KLF12: variants seen among roughly 807,000 people sequenced by gnomAD.
KLF12 encodes Krueppel-like factor 12.
Under a neutral mutation model 37.8 loss-of-function variants are expected in KLF12, and 9 were observed. The ratio of observed to expected loss-of-function variants is 0.24; its 90% CI spans 0.14 to 0.42. The LOEUF is 0.42. Ranked by LOEUF, KLF12 falls within the 10% of genes least tolerant of loss-of-function variation. The probability of loss-of-function intolerance (pLI) is 1.00; values close to 1 mark genes in which losing one functional copy is unlikely to be tolerated. For synonymous variants in KLF12, 208 were observed against 202.1 expected (o/e 1.03, Z -0.25); for missense variants, 411 against 516.0 (o/e 0.80, Z 1.97).
intron 3 of KLF12, among the ~76,000 whole-genome samples, chr13:73,878,917 G>A (rs9573321): frequency 0.21 from 31,595 of 152,002 alleles, 4,271 homozygotes; most frequent in East Asian, 0.57. Context: ...GAGGAGCAAG[G>A]CTATGGAGGC....
intron 1 of KLF12, among the ~76,000 whole-genome samples, chr13:74,118,573 T>C (rs1328251156): frequency 6.6e-6 from 1 of 152,234 alleles, no homozygotes; most frequent in Non-Finnish European, 1.5e-5. Flanking sequence ...ACAAAGTGGC[T>C]GACTCAGTTG....
chr13:73,904,353 T>C (rs1419719596), intron 3 of KLF12, among the ~76,000 whole-genome samples: 1 of 152,178 alleles, frequency 6.6e-6, no homozygotes. Flanking sequence ...GTTCCTTGGA[T>C]GGTTTAATCT....
chr13:73,830,943 T>C (rs926534057), intron 4 of KLF12, among the ~76,000 whole-genome samples: 1 of 150,956 alleles, frequency 6.6e-6, no homozygotes, highest in African/African-American at 2.4e-5. Context: ...CATGATACAG[T>C]ACTATAATAT....
At chr13:73,879,169 G>C (rs913912072) in intron 3 of KLF12, among the ~76,000 whole-genome samples, 2 of 152,186 alleles carry the variant, frequency 1.3e-5, no homozygotes, top group Non-Finnish European at 2.9e-5. Flanking sequence ...CTGATGTTCA[G>C]AATAACCTGC....
chr13:73,889,656 G>A (rs2139010223), intron 3 of KLF12, among the ~76,000 whole-genome samples: 1 of 152,128 alleles, frequency 6.6e-6, no homozygotes, highest in African/African-American at 2.4e-5. Context: ...TTACCCAAAA[G>A]GACCCAAGAG....
chr13:74,273,491 T>G, the KLF12 span, among the ~76,000 whole-genome samples: 1 of 152,080 alleles, frequency 6.6e-6, no homozygotes, highest in Non-Finnish European at 1.5e-5. Flanking sequence ...TTTCCATATT[T>G]GTGAAGTTTT....
intron 2 of KLF12, among the ~76,000 whole-genome samples, chr13:73,989,573 A>G (rs1028188070): frequency 6.6e-6 from 1 of 152,178 alleles, no homozygotes; most frequent in Non-Finnish European, 1.5e-5. Flanking sequence ...CTGCTGTCCA[A>G]TGGAAGCAGA....
the KLF12 span, among the ~76,000 whole-genome samples, chr13:74,177,704 C>T: frequency 6.6e-6 from 1 of 152,054 alleles, no homozygotes; most frequent in African/African-American, 2.4e-5. Context: ...TGTACGAGTT[C>T]AGGTGAGGGA....
chr13:74,042,246 G>C, intron 1 of KLF12, among the ~76,000 whole-genome samples: 1 of 150,270 alleles, frequency 6.7e-6, no homozygotes, highest in East Asian at 2.0e-4. Context: ...GGATGTTGCA[G>C]TGAGCTGAGA....
At chr13:74,135,093 G>A (rs2139048365), upstream of KLF12, among the ~76,000 whole-genome samples, 1 of 151,668 alleles carries the variant, frequency 6.6e-6, no homozygotes, top group Admixed American at 6.6e-5. Context: ...CGGCAGGCAG[G>A]GGAGTCATTG....
intron 7 of KLF12, among the ~76,000 whole-genome samples, chr13:73,701,146 A>G (rs976397482): frequency 6.6e-6 from 1 of 152,222 alleles, no homozygotes; most frequent in East Asian, 1.9e-4. Flanking sequence ...AAATGTTCCT[A>G]TGAAAAGAGT....
chr13:73,901,675 C>T (rs1226874265), intron 3 of KLF12, among the ~76,000 whole-genome samples: 4 of 152,162 alleles, frequency 2.6e-5, no homozygotes, highest in Non-Finnish European at 4.4e-5. Context: ...CTGAAAACTT[C>T]CCTAATGCAG....
chr13:73,857,813 G>A (rs190105206), intron 3 of KLF12, among the ~76,000 whole-genome samples: 1 of 152,234 alleles, frequency 6.6e-6, no homozygotes, highest in African/African-American at 2.4e-5. Context: ...TATGGCAGTA[G>A]GTATGGTGTA....
At chr13:74,021,004 G>C (rs1323971541) in intron 1 of KLF12, among the ~76,000 whole-genome samples, 1 of 152,010 alleles carries the variant, frequency 6.6e-6, no homozygotes. Flanking sequence ...TCAAGATCCA[G>C]ACCCCTCGAC....
chr13:73,725,679 C>T (rs1253889675), intron 6 of KLF12, among the ~76,000 whole-genome samples: 1 of 151,460 alleles, frequency 6.6e-6, no homozygotes, highest in Non-Finnish European at 1.5e-5. Context: ...GGTCAAATAT[C>T]ACTATTCCAT....
chr13:74,275,362 AC>A, the KLF12 span, among the ~76,000 whole-genome samples: 5 of 152,264 alleles, frequency 3.3e-5, no homozygotes, highest in African/African-American at 1.2e-4. Context: ...AAGTCATGTG[AC>A]CTGACTTTCA....
the KLF12 span, among the ~76,000 whole-genome samples, chr13:74,242,977 A>G: frequency 0.036 from 5,438 of 152,302 alleles, 232 homozygotes; most frequent in African/African-American, 0.1. Flanking sequence ...TCTAGGATAC[A>G]TATGCAGAAC....
chr13:73,997,451 T>C (rs1467454325), intron 1 of KLF12, among the ~76,000 whole-genome samples: 3 of 152,178 alleles, frequency 2.0e-5, no homozygotes, highest in Admixed American at 2.0e-4. Context: ...ATCAACAGCC[T>C]AGATATCGAA....
rs565860320 is a variant in KLF12, at chr13:73,721,523, A to G, written c.870-5998T>C. On this transcript the variant is annotated intron_variant, in intron 6 of 7. Transcript: ENST00000377669. ...CATTCAGTACACTTACTATTAATCT[A>G]CCAAAGAAAGTATTTTCTTTTCTCT... Among the ~76,000 whole-genome samples the G allele has an allele frequency of 1.2e-4, 18 of 152,280 alleles. 1 individual carries two copies. In the South Asian group the frequency reaches 3.7e-3, roughly 32 times the overall value.
Sources: allele counts gnomAD v4.1 joint callset (sites outside exome capture counted in the v4.1 genomes callset), GRCh38; gene constraint gnomAD v4.1.1; transcripts MANE v1.5; gene names NCBI Gene and HGNC (gene_info 2026-07-23, HGNC 2026-07-21).